SUPT16H: variants seen among roughly 807,000 people sequenced by gnomAD.
SUPT16H encodes FACT complex subunit SPT16.
SUPT16H carries 24 observed loss-of-function variants against 136.2 expected under a neutral mutation model. The observed-to-expected ratio is 0.18, with a 90% CI of 0.13 to 0.25. The LOEUF is 0.25. Among genes scored for constraint, SUPT16H ranks in the 10% least tolerant of loss-of-function variants. The pLI is 1.00. For synonymous variants in SUPT16H, 415 were observed against 428.2 expected (o/e 0.97, Z 0.38); for missense variants, 623 against 1,270.2 (o/e 0.49, Z 7.74).
Position 21,357,108 on chromosome 14 carries a change from C to T in SUPT16H, c.2660+89G>A, listed in dbSNP as rs1482694274. The T allele has an allele frequency of 5.4e-6, 7 of 1,300,570 alleles. No homozygotes were observed. The East Asian group carries it at 1.3e-4, about 24-fold the overall frequency. The allele number at this position is 1,300,570 out of a possible 1,614,324, so 80.6% of individuals were successfully genotyped here. Reference sequence around the variant, plus strand: ...AAAGGCAGTCTCACTTTAAGTATATCAGTAGATTTTATGCACAACATACCA... The same window carrying T: ...AAAGGCAGTCTCACTTTAAGTATATTAGTAGATTTTATGCACAACATACCA... On this transcript the variant is annotated intron_variant, in intron 22 of 25. Transcript: ENST00000216297.
At chr14:21,383,619 G>A (rs750632006) in intron 1 of SUPT16H, 2 of 704,456 alleles carry the variant, frequency 2.8e-6, no homozygotes, top group Non-Finnish European at 5.2e-6. Flanking sequence ...GTGCTGCTAT[G>A]CATGACCAAG....
chr14:21,353,440 A>G lies in SUPT16H; in HGVS notation c.2998+48T>C, dbSNP rs987228057. 12 of 1,564,314 alleles carry G rather than the reference A, an allele frequency of 7.7e-6. No homozygotes were observed. In the African/African-American group the frequency reaches 1.5e-4, roughly 19 times the overall value. ...ACCTCAAAATATTGAAATGTGTTAG[A>G]AATTTGTGCGTAGACAAATGAATAA... On this transcript the variant is annotated intron_variant, in intron 25 of 25. Transcript: ENST00000216297.
At chr14:21,364,627 T>C (rs1429035056) in intron 10 of SUPT16H, among the ~76,000 whole-genome samples, 200 bp downstream of exon 10, 1 of 152,200 alleles carries the variant, frequency 6.6e-6, no homozygotes, top group Admixed American at 6.5e-5. Flanking sequence ...CAAGCCACAA[T>C]ATGACAATAT....
Position 21,363,331 on chromosome 14 carries a change from A to G in SUPT16H, c.1300-3T>C, listed in dbSNP as rs771187682. ...TCCTCTTCTTCCTCATCTTCATTCT[A>G]TGGAAAAAGTCATAATCAAAAAATG... On this transcript the variant is annotated splice_region_variant and splice_polypyrimidine_tract_variant and intron_variant, in intron 11 of 25. Coordinates refer to ENST00000216297, the MANE Select transcript of SUPT16H (RefSeq NM_007192.4). 1.9e-6 allele frequency: 3 copies of G among 1,604,270 alleles called. No homozygotes were observed. The highest frequency in any genetic ancestry group is 2.3e-5 in the East Asian group (1 of 44,240).
chr14:21,358,229 A>T, intron 20 of SUPT16H, 86 bp downstream of exon 20: 1 of 896,300 alleles, frequency 1.1e-6, no homozygotes, highest in Non-Finnish European at 1.7e-6. Flanking sequence ...AGGATATGAT[A>T]TGTTAAATTA....
intron 8 of SUPT16H, among the ~76,000 whole-genome samples, chr14:21,365,507 G>A (rs2139405685): frequency 6.6e-6 from 1 of 152,204 alleles, no homozygotes; most frequent in East Asian, 1.9e-4. Context: ...ATTAAAAGGG[G>A]CAATTTTTAG....
intron 7 of SUPT16H, 48 bp downstream of exon 7, chr14:21,368,221 A>C (rs750907914): frequency 8.3e-6 from 13 of 1,567,936 alleles, no homozygotes; most frequent in Admixed American, 5.3e-5. Flanking sequence ...CCGGCCAATG[A>C]CATTTTTGTT....
intron 19 of SUPT16H, 147 bp downstream of exon 19, chr14:21,359,337 C>A: frequency 9.3e-7 from 1 of 1,075,998 alleles, no homozygotes; most frequent in Non-Finnish European, 1.3e-6. Context: ...CTCAGGTGAT[C>A]TGCCCATGTT....
Position 21,360,969 on chromosome 14 carries a change from T to TG in SUPT16H, c.1932_1933insC (p.Ile645HisfsTer15). ...ATCACCAGTGAGTCTTGTTTTACAA[T>TG]CCCCTAAGCAAGAAGAAAATTAATG... On this transcript the variant is annotated frameshift_variant, in exon 17 of 26. Transcript: ENST00000216297. LOFTEE classifies it high-confidence loss of function. 1 of 1,612,934 alleles carries TG rather than the reference T, an allele frequency of 6.2e-7. No individual in the cohort carries two copies. The highest frequency in any genetic ancestry group is 8.5e-7 in the Non-Finnish European group (1 of 1,179,584).
At position 21,358,124 on chromosome 14, in the gene SUPT16H, C is replaced by T. The variant is rs1886474562; in HGVS notation, c.2415-122G>A. 4.3e-6 allele frequency: 4 copies of T among 923,950 alleles called. No individual in the cohort carries two copies. In the African/African-American group the frequency reaches 5.0e-5, roughly 12 times the overall value. 57.2% of individuals were successfully genotyped at this position (923,950 alleles called of 1,614,324 possible). A position where few individuals can be genotyped will look rare whatever the true frequency, so the allele number is the denominator to read the frequency against. ...CCAGCATACTCACTGGAGACTCATC[C>T]AGAGGAAGCCTCTTAAGAGTTAGCC... On this transcript the variant is annotated intron_variant, in intron 20 of 25. Transcript: ENST00000216297.
chr14:21,353,827 A>G lies in SUPT16H; in HGVS notation c.2796T>C (p.Ser932=), dbSNP rs752002268. ...WSFLEPEGEG[S]DAEEGDSESE... ...ACTCTGAATCCCCTTCTTCAGCATCACTCCCCTGGTGAGTTAGAGCATAAT... is the reference window on the plus strand; with the variant it reads ...ACTCTGAATCCCCTTCTTCAGCATCGCTCCCCTGGTGAGTTAGAGCATAAT... Residue 932 remains serine, a synonymous_variant, in exon 24 of 26, where the codon AGT becomes AGC. Transcript: ENST00000216297. 6.2e-7 allele frequency: 1 copy of G among 1,612,262 alleles called. No homozygotes were observed. Among genetic ancestry groups the G allele is most frequent in the South Asian group, 1.1e-5 (1 of 90,822 alleles).
Position 21,370,478 on chromosome 14 carries a change from T to C in SUPT16H, c.341A>G (p.Asn114Ser). 1.2e-6 allele frequency: 2 copies of C among 1,614,096 alleles called. No homozygotes were observed. Among genetic ancestry groups the C allele is most frequent in the Non-Finnish European group, 1.7e-6 (2 of 1,179,998 alleles). ...TLLIREKNES[N>S]KSSFDKMIEA... is the part of the protein sequence containing the mutation. ...AATCATTTTGTCAAAGCTACTCTTA[T>C]TACTTTCATTCTGTCAGTGTCATAG... Residue 114 changes from asparagine to serine, a missense_variant, in exon 4 of 26, where the codon AAT (asparagine) becomes AGT (serine). By Grantham distance (46) the Asn-to-Ser change is conservative (BLOSUM62 1). Coordinates refer to ENST00000216297, the MANE Select transcript of SUPT16H (RefSeq NM_007192.4).
At chr14:21,370,930 C>T (rs993071389) in intron 3 of SUPT16H, among the ~76,000 whole-genome samples, 4 of 152,132 alleles carry the variant, frequency 2.6e-5, no homozygotes, top group Non-Finnish European at 5.9e-5. Flanking sequence ...TGTGTGACAA[C>T]ATGCCCGGCT....
chr14:21,373,707 GA>G (rs1414425693), intron 1 of SUPT16H, among the ~76,000 whole-genome samples: 2 of 152,090 alleles, frequency 1.3e-5, no homozygotes, highest in Non-Finnish European at 2.9e-5. Flanking sequence ...GTAATTCAAA[GA>G]AATATTTTAT....
intron 4 of SUPT16H, 80 bp downstream of exon 4, chr14:21,370,256 T>A: frequency 6.6e-7 from 1 of 1,513,926 alleles, no homozygotes; most frequent in East Asian, 2.3e-5. Flanking sequence ...AAAACAAACG[T>A]CCTGCACTAT....
chr14:21,371,672 A>G (rs1208274381), intron 3 of SUPT16H, among the ~76,000 whole-genome samples: 1 of 152,226 alleles, frequency 6.6e-6, no homozygotes. Flanking sequence ...AGAATTTCAT[A>G]GCTCATTTGT....
chr14:21,372,227 T>G (rs1431221021), intron 2 of SUPT16H, 183 bp from the exon 3 acceptor site: 1 of 598,382 alleles, frequency 1.7e-6, no homozygotes. Flanking sequence ...GACAATTTAT[T>G]AGAACAGGAC....
In SUPT16H at chr14:21,368,448, A is replaced by T. The variant is rs911227535; in HGVS notation, c.783-7T>A. The T allele has an allele frequency of 6.3e-7, 1 of 1,584,892 alleles. No individual in the cohort carries two copies. Among genetic ancestry groups the T allele is most frequent in the Non-Finnish European group, 8.6e-7 (1 of 1,166,460 alleles). Reference sequence around the variant, plus strand: ...GTGCATATGATTCTTGTCACTAGAGACCAACAAAGAAAGAAAACATTTCAT... The same window carrying T: ...GTGCATATGATTCTTGTCACTAGAGTCCAACAAAGAAAGAAAACATTTCAT... On this transcript the variant is annotated splice_polypyrimidine_tract_variant and splice_region_variant and intron_variant, in intron 6 of 25. Transcript: ENST00000216297.
At chr14:21,369,447 TG>T (rs1466122737) in intron 5 of SUPT16H, 92 bp from the exon 6 acceptor site, 2 of 1,507,936 alleles carry the variant, frequency 1.3e-6, no homozygotes, top group Non-Finnish European at 1.8e-6. Context: ...AATGTATCCT[TG>T]TATAAGTCTT....
Sources: gnomAD v4.1 joint callset for allele counts (sites outside exome capture counted in the v4.1 genomes callset) on GRCh38, gnomAD v4.1.1 for gene constraint, MANE v1.5 for transcripts, NCBI Gene and HGNC (gene_info 2026-07-23, HGNC 2026-07-21) for gene names.